Variants in CADPS2 observed in about 807,000 individuals in gnomAD.
The protein encoded by CADPS2 is calcium-dependent secretion activator 2.
Under a neutral mutation model 172.5 loss-of-function variants are expected in CADPS2, and 93 were observed. The observed-to-expected ratio is 0.54, with a 90% CI of 0.46 to 0.64. CADPS2 has a LOEUF of 0.64. Ranked by LOEUF, CADPS2 falls within the 30% of genes least tolerant of loss-of-function variation. The pLI, the probability that CADPS2 is intolerant of heterozygous loss-of-function variation, is 0.00. For missense variants in CADPS2, 1,420 were observed against 1,565.9 expected, an observed-to-expected ratio of 0.91 and a Z score of 1.57; for synonymous variants, 546 against 555.2, an observed-to-expected ratio of 0.98 and a Z score of 0.23.
chr7:122,882,810 A>G (rs1823290359), intron 1 of CADPS2, among the ~76,000 whole-genome samples: 2 of 152,212 alleles, frequency 1.3e-5, no homozygotes, highest in South Asian at 4.1e-4. Context: ...TGCAAAGGTA[A>G]TCAGGGTAAA....
chr7:122,829,672 C>A (rs1186626323), intron 1 of CADPS2, among the ~76,000 whole-genome samples: 1 of 152,162 alleles, frequency 6.6e-6, no homozygotes, highest in Non-Finnish European at 1.5e-5. Flanking sequence ...TCCATCATTT[C>A]ATGTATTAAG....
chr7:122,698,407 A>G, intron 2 of CADPS2: 1 of 1,613,874 alleles, frequency 6.2e-7, no homozygotes, highest in African/African-American at 1.3e-5. Context: ...TGTAATGAGA[A>G]CTCCCTTCTT....
chr7:122,717,405 G>C (rs1248098162), intron 2 of CADPS2, among the ~76,000 whole-genome samples: 1 of 151,944 alleles, frequency 6.6e-6, no homozygotes, highest in Non-Finnish European at 1.5e-5. Context: ...TTTTAGAATA[G>C]GTAAGAATAT....
chr7:122,446,320 T>A (rs1246131025), intron 15 of CADPS2, among the ~76,000 whole-genome samples: 1 of 152,200 alleles, frequency 6.6e-6, no homozygotes, highest in Non-Finnish European at 1.5e-5. Flanking sequence ...GTCTAGATAT[T>A]TTTGTATTCC....
intron 1 of CADPS2, among the ~76,000 whole-genome samples, chr7:122,809,800 C>G (rs1229509918): frequency 1.3e-5 from 2 of 152,142 alleles, no homozygotes; most frequent in Non-Finnish European, 2.9e-5. Context: ...GTGTCCAGTC[C>G]ACCCTCATAG....
chr7:122,720,540 ATGTG>A lies in CADPS2; in HGVS notation c.453+16411_453+16414del, dbSNP rs574117276. ...TATACATATGTGTATGCAGATATGT[ATGTG>A]TATGTATATATGCATGTGTCTGTAT... On this transcript the variant is annotated intron_variant, in intron 2 of 29. Coordinates refer to ENST00000449022, the MANE Select transcript of CADPS2 (RefSeq NM_017954.11). Among the ~76,000 whole-genome samples the A allele has an allele frequency of 1.8e-4, 27 of 151,448 alleles. 1 individual carries two copies. Among genetic ancestry groups the A allele is most frequent in the Admixed American group, 9.3e-4 (14 of 15,116 alleles).
chr7:122,361,248 A>ATTTTTTTTTT (rs1181719835), intron 25 of CADPS2, among the ~76,000 whole-genome samples: 2 of 111,178 alleles, frequency 1.8e-5, no homozygotes, highest in African/African-American at 7.4e-5. Context: ...TTTTTTTTTA[A>ATTTTTTTTTT]AATGAGATGG....
At chr7:122,826,562 G>T (rs923634318) in intron 1 of CADPS2, among the ~76,000 whole-genome samples, 1 of 151,354 alleles carries the variant, frequency 6.6e-6, no homozygotes, top group Non-Finnish European at 1.5e-5. Context: ...TAAAATAAAT[G>T]AATATAAAAT....
At chr7:122,574,993 T>G (rs1239855042) in intron 7 of CADPS2, among the ~76,000 whole-genome samples, 1 of 152,148 alleles carries the variant, frequency 6.6e-6, no homozygotes, top group East Asian at 1.9e-4. Flanking sequence ...ACTCTGTAAC[T>G]TTTGATAAGA....
intron 9 of CADPS2, among the ~76,000 whole-genome samples, chr7:122,503,398 C>T (rs575145832): frequency 1.8e-4 from 27 of 151,824 alleles, no homozygotes; most frequent in African/African-American, 6.3e-4. Flanking sequence ...CTATTGAACA[C>T]GTTACTGAAT....
intron 27 of CADPS2, among the ~76,000 whole-genome samples, chr7:122,348,112 C>T (rs570663482): frequency 6.6e-6 from 1 of 152,264 alleles, no homozygotes; most frequent in South Asian, 2.1e-4. Flanking sequence ...TTTCTCCCCA[C>T]CCCAACCCCA....
intron 1 of CADPS2, among the ~76,000 whole-genome samples, chr7:122,757,390 T>G (rs1339481494): frequency 6.6e-6 from 1 of 151,966 alleles, no homozygotes; most frequent in Non-Finnish European, 1.5e-5. Flanking sequence ...CTCAAGCAGT[T>G]GCCCACCTCA....
chr7:122,836,737 A>G (rs1808568485), intron 1 of CADPS2, among the ~76,000 whole-genome samples: 1 of 152,230 alleles, frequency 6.6e-6, no homozygotes, highest in Non-Finnish European at 1.5e-5. Context: ...ACTATCTTAA[A>G]TATATATGCA....
chr7:122,617,779 C>T (rs1318304973), intron 5 of CADPS2, among the ~76,000 whole-genome samples: 1 of 152,196 alleles, frequency 6.6e-6, no homozygotes, highest in African/African-American at 2.4e-5. Flanking sequence ...CACAGTGGCT[C>T]ACGCCTGTAA....
intron 11 of CADPS2, among the ~76,000 whole-genome samples, chr7:122,481,438 T>G (rs2057295462): frequency 6.6e-6 from 1 of 152,168 alleles, no homozygotes; most frequent in Admixed American, 6.5e-5. Flanking sequence ...ACAGAAAGGT[T>G]TTGTTAGAAA....
intron 1 of CADPS2, among the ~76,000 whole-genome samples, chr7:122,738,124 T>C (rs567543590): frequency 6.6e-6 from 1 of 152,274 alleles, no homozygotes; most frequent in African/African-American, 2.4e-5. Flanking sequence ...GCTTCCATAA[T>C]TAATACAGAG....
At chr7:122,377,489 G>A (rs562239746) in intron 25 of CADPS2, among the ~76,000 whole-genome samples, 1 of 152,240 alleles carries the variant, frequency 6.6e-6, no homozygotes, top group African/African-American at 2.4e-5. Context: ...ATTGAATGAT[G>A]CCGATTATGC....
At chr7:122,473,081 T>C (rs886452121) in intron 13 of CADPS2, among the ~76,000 whole-genome samples, 1 of 152,130 alleles carries the variant, frequency 6.6e-6, no homozygotes, top group African/African-American at 2.4e-5. Context: ...GCTGCCTCCT[T>C]ACATATTTTA....
At position 122,773,850 on chromosome 7, in the gene CADPS2, A is replaced by G. The variant is rs549858177; in HGVS notation, c.340-36782T>C. Reference sequence around the variant, plus strand: ...TACCTTTCACATTTTAAAGAAATGAAGACAGCTAGCTCTTACTAGTTTTGT... The same window carrying G: ...TACCTTTCACATTTTAAAGAAATGAGGACAGCTAGCTCTTACTAGTTTTGT... On this transcript the variant is annotated intron_variant, in intron 1 of 29. Transcript: ENST00000449022. Among the ~76,000 whole-genome samples the G allele has an allele frequency of 4.6e-5, 7 of 152,110 alleles. No individual in the cohort carries two copies. In the South Asian group the frequency reaches 1.4e-3, roughly 32 times the overall value.
Sources: gnomAD v4.1 joint callset for allele counts (sites outside exome capture counted in the v4.1 genomes callset) on GRCh38, gnomAD v4.1.1 for gene constraint, MANE v1.5 for transcripts, NCBI Gene and HGNC (gene_info 2026-07-23, HGNC 2026-07-21) for gene names.